DZIP1: variants seen among roughly 807,000 people sequenced by gnomAD.
The protein encoded by DZIP1 is cilium assembly protein DZIP1.
Under a neutral mutation model 107.6 loss-of-function variants are expected in DZIP1, and 97 were observed. That is an observed-to-expected ratio of 0.90 (90% CI 0.77 to 1.07). The LOEUF is 1.07. DZIP1 is among the 50% of genes least tolerant of loss of function. DZIP1 has a pLI of 0.00. For synonymous variants in DZIP1, 390 were observed against 386.4 expected (o/e 1.01, Z -0.11); for missense variants, 1,035 against 1,063.6 (o/e 0.97, Z 0.37).
chr13:95,599,795 T>C (rs2044561259), intron 14 of DZIP1, among the ~76,000 whole-genome samples: 2 of 152,160 alleles, frequency 1.3e-5, no homozygotes, highest in African/African-American at 4.8e-5. Flanking sequence ...TTAATGAAAA[T>C]ATTTCAACTA....
chr13:95,616,431 C>T (rs149983047), intron 10 of DZIP1, among the ~76,000 whole-genome samples: 61 of 152,276 alleles, frequency 4.0e-4, no homozygotes, highest in Non-Finnish European at 7.6e-4. Flanking sequence ...GTAGTGAGTG[C>T]CAACCACATT....
chr13:95,639,722 G>A (rs1878264757), intron 5 of DZIP1, among the ~76,000 whole-genome samples: 1 of 151,790 alleles, frequency 6.6e-6, no homozygotes, highest in African/African-American at 2.4e-5. Context: ...TATGTTAGAG[G>A]TTTTAACATT....
intron 16 of DZIP1, 31 bp from the exon 17 acceptor site, chr13:95,590,472 T>A: frequency 6.3e-7 from 1 of 1,577,336 alleles, no homozygotes; most frequent in Non-Finnish European, 8.6e-7. Flanking sequence ...GTTGGCCAGT[T>A]ATCCTGGGAG....
At position 95,629,985 on chromosome 13, in the gene DZIP1, G is replaced by A. The variant is rs777617770; in HGVS notation, c.810+4C>T. ...TTAAAATACCACAGAATTCTGCCTG[G>A]TACCTTGGAGAATCTGACTGCACTG... is the stretch of plus-strand genomic sequence containing the variant. On this transcript the variant is annotated splice_donor_region_variant and intron_variant, in intron 7 of 22. Transcript: ENST00000376829. 18 of 1,598,494 alleles carry A rather than the reference G, an allele frequency of 1.1e-5. No homozygotes were observed. The Admixed American group carries it at 2.3e-4, about 21-fold the overall frequency.
chr13:95,606,086 C>CA (rs1566383592), intron 13 of DZIP1, 27 bp from the exon 14 acceptor site: 1 of 1,610,542 alleles, frequency 6.2e-7, no homozygotes, highest in Admixed American at 1.7e-5. Context: ...AGGAAAAACT[C>CA]AGAGGTTCCA....
At chr13:95,605,023 A>C (rs2044730683) in intron 14 of DZIP1, among the ~76,000 whole-genome samples, 1 of 152,238 alleles carries the variant, frequency 6.6e-6, no homozygotes, top group Non-Finnish European at 1.5e-5. Context: ...CACATTACGT[A>C]TTGTGATCAC....
Position 95,578,203 on chromosome 13 carries a change from G to A in DZIP1, c.*4031C>T. The A allele has an allele frequency of 2.5e-6, 1 of 392,640 alleles. No individual in the cohort carries two copies. The highest frequency in any genetic ancestry group is 4.5e-6 in the Non-Finnish European group (1 of 220,260). 24.3% of individuals were successfully genotyped at this position (392,640 alleles called of 1,614,324 possible). ...TTATATACTAATCATTTTCTGTTGT[G>A]GCTTTCTATAAAAAATAAACAGTTT... On this transcript the variant is annotated 3_prime_UTR_variant, in exon 23 of 23. Coordinates refer to ENST00000376829, the MANE Select transcript of DZIP1 (RefSeq NM_198968.4).
chr13:95,610,103 T>TGAGA (rs1291904636), intron 12 of DZIP1, among the ~76,000 whole-genome samples: 65 of 110,750 alleles, frequency 5.9e-4, no homozygotes, highest in African/African-American at 1.5e-3. Flanking sequence ...TGTGTGTGTG[T>TGAGA]GTGTGTGTGA....
At chr13:95,606,845 T>C (rs1248938345) in intron 13 of DZIP1, among the ~76,000 whole-genome samples, 1 of 152,244 alleles carries the variant, frequency 6.6e-6, no homozygotes, top group Non-Finnish European at 1.5e-5. Flanking sequence ...TTTAAATTTC[T>C]ACAGAAAATT....
In DZIP1 at chr13:95,579,564, A is replaced by G. The variant is rs563810354; in HGVS notation, c.*2670T>C. On this transcript the variant is annotated 3_prime_UTR_variant, in exon 23 of 23. Coordinates refer to ENST00000376829, the MANE Select transcript of DZIP1 (RefSeq NM_198968.4). ...GGTAAAATATAGTTTCAAAGTATGA[A>G]TAAGAATTGGTATTTGTGTTATCTT... The G allele has an allele frequency of 6.6e-6, 1 of 152,336 alleles. No individual in the cohort carries two copies. The highest frequency in any genetic ancestry group is 1.9e-4 in the East Asian group (1 of 5,188). 9.4% of individuals were successfully genotyped at this position (152,336 alleles called of 1,614,324 possible). A position where few individuals can be genotyped will look rare whatever the true frequency, so the allele number is the denominator to read the frequency against.
In DZIP1 at chr13:95,581,311, T is replaced by C. The variant is rs2044008038; in HGVS notation, c.*923A>G. 1 of 152,672 alleles carries C rather than the reference T, an allele frequency of 6.5e-6. No homozygotes were observed. 9.5% of individuals were successfully genotyped at this position (152,672 alleles called of 1,614,324 possible). A position where few individuals can be genotyped will look rare whatever the true frequency, so the allele number is the denominator to read the frequency against. ...ATGTAACTAAATTACTTTTGAGGTA[T>C]TTCATAATACATGTTGGGTATTTTA... On this transcript the variant is annotated 3_prime_UTR_variant, in exon 23 of 23. Coordinates refer to ENST00000376829, the MANE Select transcript of DZIP1 (RefSeq NM_198968.4).
At chr13:95,593,654 A>C (rs2044369403) in intron 16 of DZIP1, among the ~76,000 whole-genome samples, 1 of 152,236 alleles carries the variant, frequency 6.6e-6, no homozygotes, top group Non-Finnish European at 1.5e-5. Flanking sequence ...TAGCTGTGAG[A>C]CATTAATCAA....
chr13:95,584,737 T>C lies in DZIP1; in HGVS notation c.2523A>G (p.Glu841=). The C allele has an allele frequency of 1.6e-5, 25 of 1,611,580 alleles. No homozygotes were observed. Among genetic ancestry groups the C allele is most frequent in the Non-Finnish European group, 2.1e-5 (25 of 1,178,960 alleles). The part of the protein sequence containing the change: ...GAFNPKGPKG[E]GLQENESSTL... ...GTATTAGAGGGGAAAGCAGCAAACC[T>C]TCTCCCTTTGGCCCCTTAGGATTAA... Residue 841 remains glutamate (E), a splice_region_variant and synonymous_variant, in exon 22 of 23, where the codon GAA becomes GAG. Coordinates refer to ENST00000376829, the MANE Select transcript of DZIP1 (RefSeq NM_198968.4).
At chr13:95,614,641 T>C (rs1202443376) in intron 10 of DZIP1, among the ~76,000 whole-genome samples, 1 of 152,192 alleles carries the variant, frequency 6.6e-6, no homozygotes, top group African/African-American at 2.4e-5. Flanking sequence ...AGTTTGCAGC[T>C]CATGAGCCCA....
chr13:95,616,907 C>T (rs11617959), intron 10 of DZIP1, among the ~76,000 whole-genome samples: 47,542 of 151,930 alleles, frequency 0.31, 7,702 homozygotes, highest in Middle Eastern at 0.35. Context: ...TTCAGGTGAG[C>T]CCCCTGAAAG....
At chr13:95,630,236 G>T in intron 6 of DZIP1, 123 bp from the exon 7 acceptor site, 1 of 1,258,550 alleles carries the variant, frequency 7.9e-7, no homozygotes, top group Non-Finnish European at 1.1e-6. Context: ...ACGATTACTT[G>T]TTTCATGCCA....
Position 95,606,962 on chromosome 13 carries a change from T to C in DZIP1, c.1421-903A>G, listed in dbSNP as rs184624222. 1.4e-3 allele frequency among the ~76,000 whole-genome samples: 217 copies of C among 152,350 alleles called. 1 individual carries two copies. The highest frequency in any genetic ancestry group is 4.8e-3 in the African/African-American group (198 of 41,584). On this transcript the variant is annotated intron_variant, in intron 13 of 22. Coordinates refer to ENST00000376829, the MANE Select transcript of DZIP1 (RefSeq NM_198968.4). ...CACTAAACAGTATGGTCTATTAGTTTACCGCTTCTTTCTTTTATCAAGACA... is the reference window on the plus strand; with the variant it reads ...CACTAAACAGTATGGTCTATTAGTTCACCGCTTCTTTCTTTTATCAAGACA...
chr13:95,617,268 G>T (rs1173939405), intron 10 of DZIP1, among the ~76,000 whole-genome samples: 1 of 151,968 alleles, frequency 6.6e-6, no homozygotes, highest in African/African-American at 2.4e-5. Flanking sequence ...AAGCAAGAGA[G>T]ACACACTCTA....
chr13:95,584,971 A>T, intron 21 of DZIP1, 61 bp from the exon 22 acceptor site: 2 of 1,439,050 alleles, frequency 1.4e-6, no homozygotes, highest in Non-Finnish European at 1.9e-6. Context: ...TCCCTCAATC[A>T]TTTTATTGGT....
Sources: allele counts gnomAD v4.1 joint callset (sites outside exome capture counted in the v4.1 genomes callset), GRCh38; gene constraint gnomAD v4.1.1; transcripts MANE v1.5; gene names NCBI Gene and HGNC (gene_info 2026-07-23, HGNC 2026-07-21).